RBFOX1: variants seen among roughly 807,000 people sequenced by gnomAD.
RBFOX1 encodes RNA binding fox-1 homolog 1.
RBFOX1 carries 8 observed loss-of-function variants against 57.7 expected under a neutral mutation model. The observed-to-expected ratio is 0.14, with a 90% CI of 0.08 to 0.25. The LOEUF is 0.25. Among genes scored for constraint, RBFOX1 ranks in the 10% least tolerant of loss-of-function variants. The pLI is 1.00. For synonymous variants in RBFOX1, 326 were observed against 222.4 expected, an observed-to-expected ratio of 1.47 and a Z score of -4.15; for missense variants, 611 against 548.5, an observed-to-expected ratio of 1.11 and a Z score of -1.14.
intron 4 of RBFOX1, among the ~76,000 whole-genome samples, chr16:7,337,337 AG>A (rs2096808730): frequency 6.6e-6 from 1 of 152,186 alleles, no homozygotes; most frequent in East Asian, 1.9e-4. Flanking sequence ...TTTCAAAGGA[AG>A]GGAACTGGTA....
chr16:6,385,986 A>T (rs923631971), intron 2 of RBFOX1, among the ~76,000 whole-genome samples: 2 of 146,656 alleles, frequency 1.4e-5, no homozygotes, highest in African/African-American at 2.5e-5. Flanking sequence ...CCCAGGCTGG[A>T]GTGCAGTGGC....
chr16:5,251,731 A>T (rs1490929795), intron 1 of RBFOX1, among the ~76,000 whole-genome samples: 1 of 148,258 alleles, frequency 6.7e-6, no homozygotes, highest in Admixed American at 6.9e-5. Context: ...GGGTGATTGA[A>T]ATGTTTTGTA....
intron 5 of RBFOX1, among the ~76,000 whole-genome samples, chr16:7,575,393 A>T (rs1239404883): frequency 6.6e-6 from 1 of 152,108 alleles, no homozygotes; most frequent in Non-Finnish European, 1.5e-5. Flanking sequence ...TCAGCCTCCC[A>T]AAGTGCTGGG....
intron 3 of RBFOX1, among the ~76,000 whole-genome samples, chr16:6,713,455 G>A (rs1180227497): frequency 6.6e-6 from 1 of 152,016 alleles, no homozygotes; most frequent in Non-Finnish European, 1.5e-5. Flanking sequence ...GCTGAATAAT[G>A]CTGTGCTGTA....
intron 1 of RBFOX1, among the ~76,000 whole-genome samples, chr16:6,200,132 C>G (rs115809691): frequency 9.1e-4 from 138 of 152,270 alleles, no homozygotes; most frequent in African/African-American, 3.2e-3. Flanking sequence ...TTTCTGTTAT[C>G]TCAGGGAACA....
chr16:5,497,638 A>AAAAAAAAAAAAAAAAAAAAT (rs71142625), intron 2 of RBFOX1, among the ~76,000 whole-genome samples: 26 of 139,440 alleles, frequency 1.9e-4, no homozygotes, highest in Non-Finnish European at 2.9e-4. Context: ...AAAAAAAAAA[A>AAAAAAAAAAAAAAAAAAAAT]GCTGGGCATG....
chr16:7,398,087 T>C (rs2098172263), intron 4 of RBFOX1, among the ~76,000 whole-genome samples: 1 of 152,158 alleles, frequency 6.6e-6, no homozygotes, highest in South Asian at 2.1e-4. Flanking sequence ...CCTGGGTTGT[T>C]CATGAGTAAT....
At chr16:7,049,319 C>T (rs995489364) in intron 3 of RBFOX1, among the ~76,000 whole-genome samples, 2 of 152,070 alleles carry the variant, frequency 1.3e-5, no homozygotes, top group Admixed American at 6.6e-5. Flanking sequence ...GTTGTTTGCC[C>T]AACCTCTTGA....
intron 4 of RBFOX1, among the ~76,000 whole-genome samples, chr16:7,496,024 G>A (rs11639569): frequency 0.22 from 34,192 of 152,146 alleles, 3,940 homozygotes; most frequent in East Asian, 0.33. Context: ...GTTCCAGAGA[G>A]ATCCTACAGA....
chr16:5,869,322 TA>T (rs2057412220), intron 4 of RBFOX1, among the ~76,000 whole-genome samples: 1 of 152,190 alleles, frequency 6.6e-6, no homozygotes, highest in African/African-American at 2.4e-5. Context: ...GACACATTCT[TA>T]TATCTGCATC....
At chr16:6,362,350 A>G (rs1430886397) in intron 2 of RBFOX1, among the ~76,000 whole-genome samples, 1 of 152,112 alleles carries the variant, frequency 6.6e-6, no homozygotes, top group African/African-American at 2.4e-5. Flanking sequence ...CATCTTACAA[A>G]TTTGATGATA....
intron 1 of RBFOX1, among the ~76,000 whole-genome samples, chr16:6,169,644 C>T (rs568394725): frequency 1.3e-5 from 2 of 152,326 alleles, no homozygotes; most frequent in East Asian, 1.9e-4. Flanking sequence ...TTGGTTACAG[C>T]TCCGCGTTTG....
chr16:6,393,893 C>G (rs1047484701), intron 2 of RBFOX1, among the ~76,000 whole-genome samples: 1 of 152,180 alleles, frequency 6.6e-6, no homozygotes, highest in Non-Finnish European at 1.5e-5. Flanking sequence ...AGCCCTGTCC[C>G]AGGCAAACTG....
At chr16:5,625,692 G>A in intron 3 of RBFOX1, among the ~76,000 whole-genome samples, 1 of 151,452 alleles carries the variant, frequency 6.6e-6, no homozygotes. Flanking sequence ...TGAGTAGCTG[G>A]GACTACAGGT....
intron 4 of RBFOX1, among the ~76,000 whole-genome samples, chr16:7,177,223 G>T (rs144357338): frequency 6.8e-4 from 104 of 152,244 alleles, no homozygotes; most frequent in African/African-American, 2.5e-3. Context: ...CCAATCAAAG[G>T]GGAAATTTGT....
intron 3 of RBFOX1, among the ~76,000 whole-genome samples, chr16:6,917,718 A>G (rs1471627159): frequency 6.6e-6 from 1 of 152,136 alleles, no homozygotes; most frequent in East Asian, 1.9e-4. Context: ...CTTTGCTTCG[A>G]TGGGAACCTC....
intron 3 of RBFOX1, among the ~76,000 whole-genome samples, chr16:6,806,694 G>A (rs1048504430): frequency 1.3e-5 from 2 of 149,892 alleles, no homozygotes; most frequent in African/African-American, 4.9e-5. Context: ...TATTAATGAG[G>A]TGATATTGTC....
intron 1 of RBFOX1, among the ~76,000 whole-genome samples, chr16:6,118,872 G>C (rs998990242): frequency 7.3e-5 from 11 of 150,896 alleles, no homozygotes; most frequent in African/African-American, 2.7e-4. Context: ...GCACATGAGG[G>C]CTCTTGTCCC....
At chr16:7,275,078 G>T (rs138033434) in intron 4 of RBFOX1, among the ~76,000 whole-genome samples, 1 of 152,278 alleles carries the variant, frequency 6.6e-6, no homozygotes, top group Non-Finnish European at 1.5e-5. Context: ...TGCTGAGCGG[G>T]CAGGGTTCTG....
Sources: gnomAD v4.1 joint callset for allele counts (sites outside exome capture counted in the v4.1 genomes callset) on GRCh38, gnomAD v4.1.1 for gene constraint, MANE v1.5 for transcripts, NCBI Gene and HGNC (gene_info 2026-07-23, HGNC 2026-07-21) for gene names.